The following GLIS3 variants were observed in gnomAD, a reference collection of about 807,000 sequenced individuals.
The protein encoded by GLIS3 is zinc finger protein GLIS3.
GLIS3 carries 53 observed loss-of-function variants against 78.6 expected under a neutral mutation model. The observed-to-expected ratio is 0.67, with a 90% confidence interval of 0.54 to 0.85. The LOEUF (loss-of-function observed/expected upper bound fraction) is 0.85, where lower values mean the gene tolerates loss of function less well. Ranked by LOEUF, GLIS3 falls within the 40% of genes least tolerant of loss-of-function variation. The pLI, the probability that GLIS3 is intolerant of heterozygous loss-of-function variation, is 0.00. For synonymous variants in GLIS3, 684 were observed against 509.9 expected (o/e 1.34, Z -4.60); for missense variants, 1,703 against 1,231.1 (o/e 1.38, Z -5.74).
At position 3,977,709 on chromosome 9, in the gene GLIS3, G is replaced by C. The variant is rs1472566509; in HGVS notation, c.1711-40520C>G. ...ATAGAGATGTTACTTTACTTTAATA[G>C]TTCTTTTATACAAGTACATATTTCA... On this transcript the variant is annotated intron_variant, in intron 4 of 10. Coordinates refer to ENST00000381971, the MANE Select transcript of GLIS3 (RefSeq NM_001042413.2). The surrounding 1 kb of genome is among the most constrained non-coding windows in gnomAD (Gnocchi z 4.1). Among the ~76,000 whole-genome samples the C allele has an allele frequency of 6.6e-6, 1 of 152,134 alleles. No individual in the cohort carries two copies. The highest frequency in any genetic ancestry group is 1.5e-5 in the Non-Finnish European group (1 of 68,018).
the GLIS3 span, among the ~76,000 whole-genome samples, chr9:4,401,749 G>T: frequency 6.7e-6 from 1 of 149,510 alleles, no homozygotes; most frequent in South Asian, 2.1e-4. Flanking sequence ...ATGCTACCAT[G>T]CCCAGCTAAT....
chr9:4,178,004 C>G (rs181170757), intron 2 of GLIS3, among the ~76,000 whole-genome samples: 234 of 152,308 alleles, frequency 1.5e-3, no homozygotes, highest in Non-Finnish European at 2.5e-3. Context: ...CATTGATTAT[C>G]ACTACCTTTG....
chr9:4,006,375 A>T (rs541120123), intron 4 of GLIS3, among the ~76,000 whole-genome samples: 17 of 151,396 alleles, frequency 1.1e-4, no homozygotes, highest in African/African-American at 3.6e-4. Flanking sequence ...TGAAATTTTT[A>T]AAAAATAGAG....
intron 4 of GLIS3, among the ~76,000 whole-genome samples, chr9:3,991,833 G>T (rs890950193): frequency 2.0e-5 from 3 of 152,068 alleles, no homozygotes; most frequent in African/African-American, 7.2e-5. Flanking sequence ...TGGGACTACA[G>T]GCGCCTGCAA....
chr9:4,056,203 T>C (rs1826146101), intron 4 of GLIS3, among the ~76,000 whole-genome samples: 1 of 152,204 alleles, frequency 6.6e-6, no homozygotes, highest in Non-Finnish European at 1.5e-5. Context: ...AAGTAGAATT[T>C]CTAATTTATC....
chr9:4,195,830 A>G (rs963489265), intron 2 of GLIS3, among the ~76,000 whole-genome samples: 1 of 152,226 alleles, frequency 6.6e-6, no homozygotes, highest in Non-Finnish European at 1.5e-5. Flanking sequence ...CAAGGTCTGT[A>G]AACACACCAG....
At chr9:4,096,753 T>G (rs1469883568) in intron 4 of GLIS3, among the ~76,000 whole-genome samples, 2 of 152,180 alleles carry the variant, frequency 1.3e-5, no homozygotes, top group Non-Finnish European at 2.9e-5. Context: ...GGCTCAAGCC[T>G]GTAATCCCAG....
At chr9:4,032,498 G>T (rs1156943713) in intron 4 of GLIS3, among the ~76,000 whole-genome samples, 2 of 151,542 alleles carry the variant, frequency 1.3e-5, no homozygotes, top group Non-Finnish European at 2.9e-5. Context: ...AAAAGAAGTT[G>T]TCAGCTGACA....
intron 2 of GLIS3, among the ~76,000 whole-genome samples, chr9:4,234,173 A>C (rs765815688): frequency 6.6e-6 from 1 of 152,142 alleles, no homozygotes; most frequent in Non-Finnish European, 1.5e-5. Context: ...TCATGGGAGG[A>C]GCACTTCTAA....
chr9:4,089,252 C>T (rs1004727331), intron 4 of GLIS3, among the ~76,000 whole-genome samples: 15 of 152,076 alleles, frequency 9.9e-5, no homozygotes, highest in East Asian at 1.9e-4. Context: ...TAACAAGACA[C>T]GTATCACCTC....
chr9:4,331,074 T>C (rs2130565935), intron 2 of GLIS3, among the ~76,000 whole-genome samples: 1 of 152,300 alleles, frequency 6.6e-6, no homozygotes, highest in East Asian at 1.9e-4. Flanking sequence ...CATAACAAAT[T>C]AGCATAAACT....
At chr9:4,367,424 C>T in the GLIS3 span, among the ~76,000 whole-genome samples, 1 of 152,032 alleles carries the variant, frequency 6.6e-6, no homozygotes, top group Non-Finnish European at 1.5e-5. Flanking sequence ...TCCTTGATCC[C>T]CTAAACTAGG....
chr9:4,139,004 A>C (rs569982346), intron 2 of GLIS3, among the ~76,000 whole-genome samples: 1 of 152,324 alleles, frequency 6.6e-6, no homozygotes, highest in East Asian at 1.9e-4. Context: ...AAGGCAGGAA[A>C]CCAAGCTAGT....
intron 4 of GLIS3, among the ~76,000 whole-genome samples, chr9:4,037,138 G>T (rs1214611965): frequency 6.6e-6 from 1 of 152,182 alleles, no homozygotes; most frequent in African/African-American, 2.4e-5. Context: ...TGAATACTTT[G>T]AAGATTAAAT....
At chr9:4,266,595 TACACACAC>T (rs57746056) in intron 2 of GLIS3, among the ~76,000 whole-genome samples, 7,788 of 149,212 alleles carry the variant, frequency 0.052, 303 homozygotes, top group African/African-American at 0.11. Context: ...CATGCGCGTG[TACACACAC>T]ACACACACAC....
intron 4 of GLIS3, among the ~76,000 whole-genome samples, chr9:4,067,946 G>C (rs1013146458): frequency 6.6e-5 from 10 of 152,062 alleles, no homozygotes; most frequent in Non-Finnish European, 1.2e-4. Context: ...ATATCCACTA[G>C]TGTCATCATT....
intron 2 of GLIS3, among the ~76,000 whole-genome samples, chr9:4,236,220 G>C (rs903438844): frequency 8.1e-6 from 1 of 123,624 alleles, no homozygotes; most frequent in Admixed American, 8.1e-5. Flanking sequence ...AAGAAAGAAA[G>C]AAAGGAAAAA....
chr9:4,221,658 T>C (rs1821339490), intron 2 of GLIS3, among the ~76,000 whole-genome samples: 1 of 152,160 alleles, frequency 6.6e-6, no homozygotes. Flanking sequence ...GAAAATCTAA[T>C]ACTTGCCTTT....
At chr9:4,412,218 T>G in the GLIS3 span, among the ~76,000 whole-genome samples, 6 of 152,216 alleles carry the variant, frequency 3.9e-5, no homozygotes, top group Admixed American at 6.5e-5. Context: ...CCTGCTATGA[T>G]AGCTTAATGC....
Sources: gnomAD v4.1 joint callset for allele counts (sites outside exome capture counted in the v4.1 genomes callset) on GRCh38, gnomAD v4.1.1 for gene constraint, Gnocchi (gnomAD v3.1) non-coding constraint, MANE v1.5 for transcripts, NCBI Gene and HGNC (gene_info 2026-07-23, HGNC 2026-07-21) for gene names.